DOCK2: variants seen among roughly 807,000 people sequenced by gnomAD.
DOCK2 encodes dedicator of cytokinesis protein 2.
DOCK2 carries 87 observed loss-of-function variants against 248.9 expected under a neutral mutation model. The ratio of observed to expected loss-of-function variants is 0.35; its 90% CI spans 0.29 to 0.42. The LOEUF is 0.42. DOCK2 is among the 10% of genes least tolerant of loss of function. The probability of loss-of-function intolerance (pLI) is 1.00; values close to 1 mark genes in which losing one functional copy is unlikely to be tolerated. For missense variants in DOCK2, 1,747 were observed against 2,300.2 expected (o/e 0.76, Z 4.92); for synonymous variants, 805 against 821.6 (o/e 0.98, Z 0.35).
At chr5:169,745,529 G>A (rs184239695) in intron 22 of DOCK2, among the ~76,000 whole-genome samples, 23 of 152,286 alleles carry the variant, frequency 1.5e-4, no homozygotes, top group Non-Finnish European at 2.2e-4. Flanking sequence ...AAAGTGTAGA[G>A]CAAAGCAGTG....
At chr5:169,784,125 ATT>A (rs11296090) in intron 25 of DOCK2, among the ~76,000 whole-genome samples, 33,394 of 150,576 alleles carry the variant, frequency 0.22, 4,243 homozygotes, top group Non-Finnish European at 0.29. Context: ...AATTTCATTG[ATT>A]TTTTTTTTTT....
At chr5:169,902,178 G>T (rs1435376009) in intron 27 of DOCK2, among the ~76,000 whole-genome samples, 1 of 152,214 alleles carries the variant, frequency 6.6e-6, no homozygotes, top group African/African-American at 2.4e-5. Context: ...TCCAGGAGGG[G>T]AATAACCAGT....
rs768139614 is a variant in DOCK2, at chr5:170,008,613, G to C, written c.3173+16G>C. 6.2e-7 allele frequency: 1 copy of C among 1,614,022 alleles called. No homozygotes were observed. Among genetic ancestry groups the C allele is most frequent in the Non-Finnish European group, 8.5e-7 (1 of 1,179,946 alleles). On this transcript the variant is annotated intron_variant, in intron 31 of 51. Transcript: ENST00000520908. ...TCCTGAATAAGTAGGTTGCATTTTT[G>C]GATTTCCTGAAGAGGGGGAGGTCCA...
chr5:169,818,742 G>A (rs1331053110), intron 26 of DOCK2, among the ~76,000 whole-genome samples: 1 of 152,070 alleles, frequency 6.6e-6, no homozygotes, highest in African/African-American at 2.4e-5. Context: ...CTAACAGACT[G>A]TGTGACCTGA....
intron 8 of DOCK2, among the ~76,000 whole-genome samples, chr5:169,685,382 C>G (rs1759907185): frequency 6.6e-6 from 1 of 152,210 alleles, no homozygotes; most frequent in South Asian, 2.1e-4. Context: ...TGCCAGACTC[C>G]TGGCCTCTAC....
At chr5:169,835,989 C>T (rs1237262581) in intron 26 of DOCK2, among the ~76,000 whole-genome samples, 8 of 152,190 alleles carry the variant, frequency 5.3e-5, no homozygotes, top group African/African-American at 1.7e-4. Context: ...CTCATGGGCT[C>T]ATGCAATCTT....
intron 27 of DOCK2, among the ~76,000 whole-genome samples, chr5:169,953,177 G>T (rs1776733369): frequency 6.6e-6 from 1 of 151,844 alleles, no homozygotes; most frequent in Admixed American, 6.6e-5. Context: ...CAAAAAATTA[G>T]CTGGGTGTGG....
At position 170,032,503 on chromosome 5, in the gene DOCK2, T is replaced by C. The variant is rs1443853127; in HGVS notation, c.3468-1896T>C. ...TGTGACCAGGGCTGAGAACCTCAGGTCTGGCCAAGCTCAGACCCCGAGATG... is the reference window on the plus strand; with the variant it reads ...TGTGACCAGGGCTGAGAACCTCAGGCCTGGCCAAGCTCAGACCCCGAGATG... On this transcript the variant is annotated intron_variant, in intron 34 of 51. Coordinates refer to ENST00000520908, the MANE Select transcript of DOCK2 (RefSeq NM_004946.3). 2.0e-5 allele frequency among the ~76,000 whole-genome samples: 3 copies of C among 152,190 alleles called. No individual in the cohort carries two copies. The East Asian group carries it at 5.8e-4, about 29-fold the overall frequency.
At chr5:170,074,513 G>A (rs1167998708) in intron 46 of DOCK2, among the ~76,000 whole-genome samples, 1 of 152,148 alleles carries the variant, frequency 6.6e-6, no homozygotes, top group Non-Finnish European at 1.5e-5. Context: ...CTCTACATGG[G>A]ACCATTCACA....
rs1398916882 is a variant in DOCK2, at chr5:169,699,255, C to T, written c.1056-127C>T. The T allele has an allele frequency of 6.5e-6, 5 of 768,914 alleles. No homozygotes were observed. The South Asian group carries it at 8.4e-5, about 13-fold the overall frequency. 47.6% of individuals were successfully genotyped at this position (768,914 alleles called of 1,614,324 possible). On this transcript the variant is annotated intron_variant, in intron 11 of 51. Coordinates refer to ENST00000520908, the MANE Select transcript of DOCK2 (RefSeq NM_004946.3). ...GTACCTCTTGATGGCATGTATATAC[C>T]CTGGGCTGACATATGCAAACTCACT... is the stretch of plus-strand genomic sequence containing the variant.
At chr5:169,895,861 G>C (rs1773567201) in intron 27 of DOCK2, among the ~76,000 whole-genome samples, 1 of 152,164 alleles carries the variant, frequency 6.6e-6, no homozygotes, top group Non-Finnish European at 1.5e-5. Context: ...GCACATAATA[G>C]ATATAGTAAG....
intron 27 of DOCK2, among the ~76,000 whole-genome samples, chr5:169,903,096 CA>C (rs1022825066): frequency 1.2e-4 from 17 of 141,836 alleles, no homozygotes; most frequent in African/African-American, 1.0e-4. Context: ...GACTCCATCT[CA>C]AAAAAAAAAG....
chr5:169,783,265 A>G (rs571869341), intron 25 of DOCK2, among the ~76,000 whole-genome samples: 20 of 152,318 alleles, frequency 1.3e-4, no homozygotes, highest in Middle Eastern at 3.4e-3. Flanking sequence ...TGATTTTTTC[A>G]TGATCTTGAC....
intron 25 of DOCK2, among the ~76,000 whole-genome samples, chr5:169,778,092 TC>T (rs2113792167): frequency 6.6e-6 from 1 of 152,322 alleles, no homozygotes; most frequent in African/African-American, 2.4e-5. Flanking sequence ...CTCAGCACCT[TC>T]CACTGCCACA....
At chr5:170,009,932 C>T (rs1357060968) in intron 32 of DOCK2, among the ~76,000 whole-genome samples, 1 of 152,154 alleles carries the variant, frequency 6.6e-6, no homozygotes, top group Non-Finnish European at 1.5e-5. Context: ...GGACCCAAGC[C>T]CAGAACAGAC....
chr5:169,933,301 A>G (rs1307701451), intron 27 of DOCK2, among the ~76,000 whole-genome samples: 1 of 152,208 alleles, frequency 6.6e-6, no homozygotes, highest in African/African-American at 2.4e-5. Context: ...CTGGCTGCAC[A>G]TTGCAATCTC....
intron 13 of DOCK2, among the ~76,000 whole-genome samples, chr5:169,700,522 T>G (rs1180629028): frequency 3.2e-5 from 4 of 123,436 alleles, no homozygotes; most frequent in Middle Eastern, 8.0e-3. Flanking sequence ...TTCTCTTATA[T>G]TTTTAAGCTT....
chr5:170,081,698 G>A, intron 50 of DOCK2, 144 bp from the exon 51 acceptor site: 2 of 908,830 alleles, frequency 2.2e-6, no homozygotes, highest in Non-Finnish European at 3.2e-6. Flanking sequence ...GCAGGAAATA[G>A]GCATCCTGCC....
chr5:169,867,658 C>A (rs1010894301), intron 27 of DOCK2, among the ~76,000 whole-genome samples: 2 of 151,476 alleles, frequency 1.3e-5, no homozygotes, highest in Non-Finnish European at 2.9e-5. Context: ...CTACCTCTAG[C>A]ATCTATTTGT....
Sources: allele counts gnomAD v4.1 joint callset (sites outside exome capture counted in the v4.1 genomes callset), GRCh38; gene constraint gnomAD v4.1.1; transcripts MANE v1.5; gene names NCBI Gene and HGNC (gene_info 2026-07-23, HGNC 2026-07-21).